Variants in DOCK4 observed in about 807,000 individuals in gnomAD.
The protein encoded by DOCK4 is dedicator of cytokinesis protein 4.
DOCK4 carries 97 observed loss-of-function variants against 268.1 expected under a neutral mutation model. That is an observed-to-expected ratio of 0.36 (90% CI 0.31 to 0.43). DOCK4 has a LOEUF of 0.43. DOCK4 is among the 20% of genes least tolerant of loss of function. DOCK4 has a pLI of 1.00. For missense variants in DOCK4, 2,145 were observed against 2,455.7 expected (o/e 0.87, Z 2.67); for synonymous variants, 954 against 887.2 (o/e 1.08, Z -1.34).
intron 1 of DOCK4, among the ~76,000 whole-genome samples, chr7:112,081,277 A>G (rs773807116): frequency 1.6e-4 from 25 of 152,172 alleles, no homozygotes; most frequent in Non-Finnish European, 3.5e-4. Context: ...CCGTTTCCAC[A>G]TGACAGCTAC....
At chr7:111,746,302 A>G (rs1276244762) in intron 44 of DOCK4, 32 bp downstream of exon 44, 1 of 1,587,266 alleles carries the variant, frequency 6.3e-7, no homozygotes, top group Admixed American at 1.7e-5. Flanking sequence ...ATCCAGGCAA[A>G]ATAGAAGGGG....
intron 1 of DOCK4, among the ~76,000 whole-genome samples, chr7:112,107,571 T>C (rs1811246843): frequency 6.6e-6 from 1 of 152,224 alleles, no homozygotes; most frequent in Non-Finnish European, 1.5e-5. Flanking sequence ...GTCTGTGGTA[T>C]TTTGTTATGG....
At chr7:111,860,100 G>A (rs1407167628) in intron 23 of DOCK4, among the ~76,000 whole-genome samples, 2 of 152,158 alleles carry the variant, frequency 1.3e-5, no homozygotes, top group Non-Finnish European at 2.9e-5. Context: ...ATCACGTCCT[G>A]TTCTCTGACA....
chr7:112,073,342 A>G (rs565907188), intron 1 of DOCK4, among the ~76,000 whole-genome samples: 1 of 152,200 alleles, frequency 6.6e-6, no homozygotes, highest in African/African-American at 2.4e-5. Context: ...CTGCATCCCC[A>G]TGTTTACTGT....
chr7:111,995,301 G>C (rs1460433386), intron 4 of DOCK4, among the ~76,000 whole-genome samples: 1 of 152,140 alleles, frequency 6.6e-6, no homozygotes, highest in East Asian at 1.9e-4. Flanking sequence ...AAAGTGCTGG[G>C]ATTACCAGTG....
At chr7:112,123,207 T>A (rs968931802) in intron 1 of DOCK4, among the ~76,000 whole-genome samples, 1 of 152,184 alleles carries the variant, frequency 6.6e-6, no homozygotes, top group African/African-American at 2.4e-5. Flanking sequence ...CATCTTGGTC[T>A]AATAAGATGG....
At chr7:111,737,623 T>C (rs1795596597) in intron 49 of DOCK4, among the ~76,000 whole-genome samples, 1 of 152,234 alleles carries the variant, frequency 6.6e-6, no homozygotes, top group Non-Finnish European at 1.5e-5. Context: ...AATGCCAGTT[T>C]TACATGGTTT....
At chr7:111,917,914 TG>T in intron 12 of DOCK4, among the ~76,000 whole-genome samples, 1 of 152,164 alleles carries the variant, frequency 6.6e-6, no homozygotes, top group East Asian at 1.9e-4. Flanking sequence ...CATGCTGTGA[TG>T]AAAAAAATGC....
intron 1 of DOCK4, among the ~76,000 whole-genome samples, chr7:112,024,881 T>C (rs1415680846): frequency 6.6e-6 from 1 of 152,226 alleles, no homozygotes; most frequent in Non-Finnish European, 1.5e-5. Context: ...AGCAAAGTGA[T>C]ACAAATCTTT....
intron 10 of DOCK4, among the ~76,000 whole-genome samples, chr7:111,940,514 T>TC (rs1328916595): frequency 6.6e-6 from 1 of 152,164 alleles, no homozygotes; most frequent in African/African-American, 2.4e-5. Flanking sequence ...TTGGGAACCA[T>TC]CCCCTGGCCC....
chr7:112,015,413 C>T (rs1332484002), intron 1 of DOCK4, among the ~76,000 whole-genome samples: 2 of 152,132 alleles, frequency 1.3e-5, no homozygotes, highest in Admixed American at 6.5e-5. Context: ...AAATAGCCAG[C>T]TAGCAGCCCT....
chr7:111,950,098 T>C (rs1427755405), intron 8 of DOCK4, among the ~76,000 whole-genome samples: 1 of 152,166 alleles, frequency 6.6e-6, no homozygotes, highest in African/African-American at 2.4e-5. Context: ...AGCTAATTTT[T>C]AGATTTTTTG....
chr7:112,164,288 C>T (rs1817395643), intron 1 of DOCK4, among the ~76,000 whole-genome samples: 1 of 151,298 alleles, frequency 6.6e-6, no homozygotes, highest in Non-Finnish European at 1.5e-5. Flanking sequence ...AGAAAAAAGA[C>T]CCTGTCTTGA....
Position 111,758,852 on chromosome 7 carries a change from G to C in DOCK4, c.4163-62C>G, listed in dbSNP as rs1585895228. On this transcript the variant is annotated intron_variant, in intron 40 of 52. Coordinates refer to ENST00000428084, the MANE Select transcript of DOCK4 (RefSeq NM_001363540.2). The stretch of plus-strand genomic sequence containing the variant: ...CAAACTCCATGGAAGTCTGGCTTGG[G>C]CTGAGCTATGGCAGAGAGAAGAGGA... 2.0e-6 allele frequency: 3 copies of C among 1,507,776 alleles called. No individual in the cohort carries two copies. The Admixed American group carries it at 5.3e-5, about 27-fold the overall frequency. The allele number at this position is 1,507,776 out of a possible 1,614,324, so 93.4% of individuals were successfully genotyped here.
chr7:111,906,164 A>T lies in DOCK4; in HGVS notation c.1193-4363T>A. Among the ~76,000 whole-genome samples the T allele has an allele frequency of 1.3e-5, 2 of 152,122 alleles. 1 individual carries two copies. The highest frequency in any genetic ancestry group is 2.9e-5 in the Non-Finnish European group (2 of 68,020). The stretch of plus-strand genomic sequence containing the variant: ...CTGCAATTCAGCCTTTGTCAGGAGA[A>T]GTGACTTGAGCAAGGAAGGTAGTAG... On this transcript the variant is annotated intron_variant, in intron 13 of 52. Coordinates refer to ENST00000428084, the MANE Select transcript of DOCK4 (RefSeq NM_001363540.2).
At chr7:111,747,580 G>T in intron 42 of DOCK4, 137 bp from the exon 43 acceptor site, 1 of 814,458 alleles carries the variant, frequency 1.2e-6, no homozygotes, top group Non-Finnish European at 1.9e-6. Context: ...CCATTCCGTA[G>T]AATAGACAAG....
chr7:112,181,834 A>C (rs1382291834), intron 1 of DOCK4, among the ~76,000 whole-genome samples: 1 of 152,148 alleles, frequency 6.6e-6, no homozygotes, highest in African/African-American at 2.4e-5. Context: ...AATCGTTTTC[A>C]GTGGACATAT....
chr7:112,106,814 T>G (rs1811181633), intron 1 of DOCK4, among the ~76,000 whole-genome samples: 1 of 152,162 alleles, frequency 6.6e-6, no homozygotes, highest in African/African-American at 2.4e-5. Context: ...TTTTTCGACC[T>G]TGAGTTTATA....
At chr7:111,809,194 T>C in intron 29 of DOCK4, 107 bp downstream of exon 29, 1 of 936,660 alleles carries the variant, frequency 1.1e-6, no homozygotes, top group Non-Finnish European at 1.6e-6. Context: ...GGTCACTGGT[T>C]CTTCACTGTG....
Sources: gnomAD v4.1 joint callset for allele counts (sites outside exome capture counted in the v4.1 genomes callset) on GRCh38, gnomAD v4.1.1 for gene constraint, MANE v1.5 for transcripts, NCBI Gene and HGNC (gene_info 2026-07-23, HGNC 2026-07-21) for gene names.